Variants in PRKN observed in about 807,000 individuals in gnomAD.
PRKN encodes parkin RBR E3 ubiquitin protein ligase, also known as E3 ubiquitin-protein ligase parkin.
Under a neutral mutation model 59.5 loss-of-function variants are expected in PRKN, and 56 were observed. That is an observed-to-expected ratio of 0.94 (90% CI 0.76 to 1.18). PRKN has a LOEUF of 1.18. Among genes scored for constraint, PRKN ranks in the 50% most tolerant of loss-of-function variants. The pLI is 0.00. For synonymous variants in PRKN, 250 were observed against 222.1 expected (o/e 1.13, Z -1.12); for missense variants, 657 against 596.4 (o/e 1.10, Z -1.06).
At chr6:161,568,972 TA>T (rs3032926) in intron 8 of PRKN, among the ~76,000 whole-genome samples, 4,740 of 138,860 alleles carry the variant, frequency 0.034, 134 homozygotes, top group African/African-American at 0.085. Flanking sequence ...AAAAACCTGG[TA>T]AAAAAAAAAA....
chr6:162,526,074 C>T (rs919477613), intron 1 of PRKN, among the ~76,000 whole-genome samples: 4 of 152,042 alleles, frequency 2.6e-5, no homozygotes, highest in African/African-American at 4.8e-5. Context: ...ATTTCTGAGG[C>T]TCAAGCGATC....
chr6:161,441,645 TTAAA>T (rs1183572009), intron 9 of PRKN, among the ~76,000 whole-genome samples: 2 of 117,792 alleles, frequency 1.7e-5, no homozygotes, highest in African/African-American at 7.5e-5. Flanking sequence ...ACTCTGTCTC[TTAAA>T]AAAAAAAAAA....
intron 7 of PRKN, among the ~76,000 whole-genome samples, chr6:161,680,775 A>ATATATTTTTTTT (rs1216235673): frequency 6.5e-5 from 2 of 30,618 alleles, no homozygotes; most frequent in Non-Finnish European, 1.2e-4. Flanking sequence ...ATATATATAT[A>ATATATTTTTTTT]TTTTTTTTTT....
intron 1 of PRKN, among the ~76,000 whole-genome samples, chr6:162,487,494 T>A (rs1366690178): frequency 6.6e-6 from 1 of 152,218 alleles, no homozygotes; most frequent in Non-Finnish European, 1.5e-5. Flanking sequence ...CATCACTTTT[T>A]ATGATTTTCT....
chr6:162,179,055 T>C (rs971917135), intron 4 of PRKN, among the ~76,000 whole-genome samples: 1 of 152,064 alleles, frequency 6.6e-6, no homozygotes, highest in Non-Finnish European at 1.5e-5. Flanking sequence ...ATTTTTAAAA[T>C]TTTTTTCGTA....
rs1789160818 is a variant in PRKN, at chr6:161,440,553, G to A, written c.1084-53676C>T. Among the ~76,000 whole-genome samples, 1 of 152,214 alleles carries A rather than the reference G, an allele frequency of 6.6e-6. No homozygotes were observed. Among genetic ancestry groups the A allele is most frequent in the Non-Finnish European group, 1.5e-5 (1 of 68,044 alleles). ...CAAAGACATGGTCGGCAGACACAGA[G>A]GGTTCCCTCACCAGGGGTCTGGGAG... On this transcript the variant is annotated intron_variant, in intron 9 of 11. Transcript: ENST00000366898. The surrounding 1 kb of genome is among the most constrained non-coding windows in gnomAD (Gnocchi z 4.1).
intron 2 of PRKN, chr6:162,271,353 T>G (rs1045703350): frequency 9.9e-5 from 15 of 151,836 alleles, no homozygotes; most frequent in Non-Finnish European, 7.4e-5. Flanking sequence ...GCCTGGCCAA[T>G]GTAGTGAAAC....
intron 4 of PRKN, among the ~76,000 whole-genome samples, chr6:162,135,632 A>C (rs976589363): frequency 4.0e-5 from 6 of 151,862 alleles, no homozygotes; most frequent in Non-Finnish European, 2.9e-5. Context: ...CCTTGCCCTG[A>C]CTCTTGTCTC....
chr6:161,657,650 C>T (rs922856905), intron 7 of PRKN, among the ~76,000 whole-genome samples: 7 of 152,168 alleles, frequency 4.6e-5, no homozygotes, highest in Admixed American at 4.6e-4. Context: ...ATGAACTCTG[C>T]TTCTGTTTCT....
rs1327364364 is a variant in PRKN at position 161,607,029 on chromosome 6, AC to A, written c.872-37614del. ...CTGCATGTTGATTGGTGATAGCTCA[AC>A]CCCTTTGTTCTGCCTCCCTTCCAGA... On this transcript the variant is annotated intron_variant, in intron 7 of 11. Coordinates refer to ENST00000366898, the MANE Select transcript of PRKN (RefSeq NM_004562.3). Among the ~76,000 whole-genome samples the A allele has an allele frequency of 2.6e-5, 4 of 152,120 alleles. No homozygotes were observed. The South Asian group carries it at 6.2e-4, about 24-fold the overall frequency.
chr6:161,973,287 T>C lies in PRKN; in HGVS notation c.734+15A>G, dbSNP rs777608834. ...ACGTCCGTGGAGGGAAGTGACACTATTTTTAGATCCTTACCTGACGTCTGT... is the reference window on the plus strand; with the variant it reads ...ACGTCCGTGGAGGGAAGTGACACTACTTTTAGATCCTTACCTGACGTCTGT... On this transcript the variant is annotated intron_variant, in intron 6 of 11. Coordinates refer to ENST00000366898, the MANE Select transcript of PRKN (RefSeq NM_004562.3). The C allele has an allele frequency of 2.6e-6, 4 of 1,555,104 alleles. No homozygotes were observed. The highest frequency in any genetic ancestry group is 3.6e-6 in the Non-Finnish European group (4 of 1,126,122).
At chr6:161,861,487 A>G (rs1793895149) in intron 6 of PRKN, among the ~76,000 whole-genome samples, 1 of 152,174 alleles carries the variant, frequency 6.6e-6, no homozygotes, top group Admixed American at 6.5e-5. Flanking sequence ...TGGGGCTTAT[A>G]ACCTAGATGA....
intron 1 of PRKN, among the ~76,000 whole-genome samples, chr6:162,594,251 TACTTTAAGTA>T (rs1282846361): frequency 1.3e-5 from 2 of 152,216 alleles, no homozygotes; most frequent in African/African-American, 4.8e-5. Flanking sequence ...GCCCTTTGCA[TACTTTAAGTA>T]CAATTAACAG....
chr6:162,617,974 G>A (rs1467722116), intron 1 of PRKN, among the ~76,000 whole-genome samples: 1 of 152,132 alleles, frequency 6.6e-6, no homozygotes, highest in East Asian at 1.9e-4. Flanking sequence ...TCTTCCCTAG[G>A]AACCTGAGGT....
intron 7 of PRKN, among the ~76,000 whole-genome samples, chr6:161,621,212 T>C (rs1302687721): frequency 6.6e-6 from 1 of 152,070 alleles, no homozygotes; most frequent in Non-Finnish European, 1.5e-5. Context: ...TAGATAAAGA[T>C]ACATATATGA....
intron 2 of PRKN, among the ~76,000 whole-genome samples, chr6:162,345,381 A>G (rs1325206147): frequency 6.6e-6 from 1 of 152,208 alleles, no homozygotes; most frequent in African/African-American, 2.4e-5. Flanking sequence ...TAATAGCAAC[A>G]AGTATGCATC....
At chr6:162,616,431 A>AC (rs541615867) in intron 1 of PRKN, among the ~76,000 whole-genome samples, 33 of 152,192 alleles carry the variant, frequency 2.2e-4, no homozygotes, top group African/African-American at 7.9e-4. Context: ...CACTGTAATT[A>AC]CCCCATTAAA....
At chr6:162,349,643 A>G (rs962765188) in intron 2 of PRKN, among the ~76,000 whole-genome samples, 1 of 152,228 alleles carries the variant, frequency 6.6e-6, no homozygotes, top group Non-Finnish European at 1.5e-5. Flanking sequence ...ATGATCAAGT[A>G]GAGTACATTC....
chr6:161,858,858 C>CTTTTTTT lies in PRKN; in HGVS notation c.735-72957_735-72951dup, dbSNP rs71544920. On this transcript the variant is annotated intron_variant, in intron 6 of 11. Coordinates refer to ENST00000366898, the MANE Select transcript of PRKN (RefSeq NM_004562.3). The stretch of plus-strand genomic sequence containing the variant: ...CTTTCAATTAACTAGCACAGCTGTA[C>CTTTTTTT]TTTTTTTTTTTTTTTTTTTTGAGAC... 4.7e-4 allele frequency among the ~76,000 whole-genome samples: 34 copies of CTTTTTTT among 71,946 alleles called. 7 individuals are homozygous for CTTTTTTT. Among genetic ancestry groups the CTTTTTTT allele is most frequent in the East Asian group, 9.4e-4 (2 of 2,124 alleles). 47.2% of individuals were successfully genotyped at this position (71,946 alleles called of 152,430 possible). A position where few individuals can be genotyped will look rare whatever the true frequency, so the allele number is the denominator to read the frequency against.
Sources: gnomAD v4.1 joint callset for allele counts (sites outside exome capture counted in the v4.1 genomes callset) on GRCh38, gnomAD v4.1.1 for gene constraint, Gnocchi (gnomAD v3.1) non-coding constraint, MANE v1.5 for transcripts, NCBI Gene and HGNC (gene_info 2026-07-23, HGNC 2026-07-21) for gene names.